FRMD4A: variants seen among roughly 807,000 people sequenced by gnomAD.
The protein encoded by FRMD4A is FERM domain containing 4A, also known as FERM domain-containing protein 4A.
A neutral mutation model predicts 129.1 loss-of-function variants in FRMD4A; 29 were observed. That is an observed-to-expected ratio of 0.22 (90% CI 0.17 to 0.31). The LOEUF (loss-of-function observed/expected upper bound fraction) is 0.31, where lower values mean the gene tolerates loss of function less well. Among genes scored for constraint, FRMD4A ranks in the 10% least tolerant of loss-of-function variants. The pLI is 1.00. For missense variants in FRMD4A, 1,272 were observed against 1,375.8 expected, an observed-to-expected ratio of 0.92 and a Z score of 1.19; for synonymous variants, 634 against 571.6, an observed-to-expected ratio of 1.11 and a Z score of -1.56.
chr10:14,317,507 A>C (rs1022428809), intron 2 of FRMD4A, among the ~76,000 whole-genome samples: 1 of 152,168 alleles, frequency 6.6e-6, no homozygotes, highest in African/African-American at 2.4e-5. Flanking sequence ...ACTGTGTTGC[A>C]ACTGTTTGTT....
At chr10:13,673,715 A>G (rs1361612259) in intron 16 of FRMD4A, among the ~76,000 whole-genome samples, 1 of 151,684 alleles carries the variant, frequency 6.6e-6, no homozygotes, top group African/African-American at 2.4e-5. Flanking sequence ...TAAAGACAGC[A>G]GCTTGCAGCA....
At chr10:14,249,189 A>G (rs935163548) in intron 2 of FRMD4A, among the ~76,000 whole-genome samples, 4 of 151,898 alleles carry the variant, frequency 2.6e-5, no homozygotes, top group Admixed American at 6.6e-5. Context: ...CATCTCTACT[A>G]AAAAATAGGA....
At chr10:14,053,535 A>T (rs1021030948) in intron 2 of FRMD4A, among the ~76,000 whole-genome samples, 11 of 152,074 alleles carry the variant, frequency 7.2e-5, no homozygotes, top group African/African-American at 2.7e-4. Flanking sequence ...CTTCCAATAC[A>T]CCTTGCCCAT....
intron 2 of FRMD4A, among the ~76,000 whole-genome samples, chr10:14,143,820 G>C (rs1353019012): frequency 1.3e-5 from 2 of 152,022 alleles, no homozygotes; most frequent in Non-Finnish European, 2.9e-5. Flanking sequence ...CGTTGACCAG[G>C]CTGGTCTTGA....
chr10:14,054,353 T>A (rs191562162), intron 2 of FRMD4A, among the ~76,000 whole-genome samples: 22 of 152,228 alleles, frequency 1.4e-4, no homozygotes, highest in Admixed American at 5.9e-4. Context: ...ACTTTCCCAG[T>A]GTGGATTCAG....
intron 2 of FRMD4A, among the ~76,000 whole-genome samples, chr10:13,929,665 C>T (rs769823804): frequency 2.6e-5 from 4 of 152,130 alleles, no homozygotes; most frequent in African/African-American, 7.2e-5. Flanking sequence ...TTTCTATTAG[C>T]GGTTCTAAGT....
chr10:13,740,445 T>C, intron 10 of FRMD4A, 67 bp downstream of exon 10: 1 of 995,760 alleles, frequency 1.0e-6, no homozygotes, highest in South Asian at 1.3e-5. Flanking sequence ...AACTGAACAA[T>C]CCTGACATAC....
chr10:13,677,123 AC>A (rs1208607087), intron 15 of FRMD4A, among the ~76,000 whole-genome samples: 1 of 151,998 alleles, frequency 6.6e-6, no homozygotes, highest in Non-Finnish European at 1.5e-5. Flanking sequence ...TGAGCAGAAA[AC>A]CCTGCATTCC....
At chr10:13,801,373 T>C (rs1365093780) in intron 4 of FRMD4A, among the ~76,000 whole-genome samples, 1 of 152,200 alleles carries the variant, frequency 6.6e-6, no homozygotes, top group African/African-American at 2.4e-5. Flanking sequence ...ATGAATTTCC[T>C]TCCTCCACTT....
intron 2 of FRMD4A, among the ~76,000 whole-genome samples, chr10:13,979,972 C>G (rs2095554989): frequency 6.6e-6 from 1 of 152,212 alleles, no homozygotes; most frequent in African/African-American, 2.4e-5. Context: ...CACCCCATTC[C>G]CTTTCTTATT....
chr10:13,880,271 T>A (rs1307862703), intron 2 of FRMD4A, among the ~76,000 whole-genome samples: 1 of 152,180 alleles, frequency 6.6e-6, no homozygotes, highest in African/African-American at 2.4e-5. Flanking sequence ...CTCTGCCTCG[T>A]CATCTCCATT....
chr10:13,778,961 T>C (rs10796122), intron 6 of FRMD4A, among the ~76,000 whole-genome samples: 104,666 of 151,898 alleles, frequency 0.69, 36,517 homozygotes, highest in East Asian at 0.86. Context: ...AGTATAATAA[T>C]AATAAAACAC....
chr10:14,225,100 A>C (rs576870160), intron 2 of FRMD4A, among the ~76,000 whole-genome samples: 3 of 152,246 alleles, frequency 2.0e-5, no homozygotes, highest in African/African-American at 7.2e-5. Flanking sequence ...TAGCAGGAAC[A>C]GTGAAAGAAT....
Position 13,666,330 on chromosome 10 carries a change from G to A in FRMD4A, c.1375-5C>T. 1.2e-6 allele frequency: 2 copies of A among 1,604,952 alleles called. No homozygotes were observed. The highest frequency in any genetic ancestry group is 1.7e-6 in the Non-Finnish European group (2 of 1,171,830). ...CAGGCGTTCCAGCTCAGCTTCCTGT[G>A]GGAGGGAAAGCACCGGTTTGGGTTA... On this transcript the variant is annotated splice_region_variant and splice_polypyrimidine_tract_variant and intron_variant, in intron 17 of 24. Coordinates refer to ENST00000357447, the MANE Select transcript of FRMD4A (RefSeq NM_018027.5).
chr10:13,977,311 C>T (rs777250688), intron 2 of FRMD4A, among the ~76,000 whole-genome samples: 1 of 145,076 alleles, frequency 6.9e-6, no homozygotes, highest in Non-Finnish European at 1.5e-5. Flanking sequence ...TCCTGCCTTC[C>T]AACACAAGAC....
chr10:13,866,478 A>G (rs190293756), intron 2 of FRMD4A, among the ~76,000 whole-genome samples: 2 of 152,258 alleles, frequency 1.3e-5, no homozygotes, highest in Admixed American at 6.5e-5. Flanking sequence ...CCTTCTCTCC[A>G]CTTCAGTTTC....
At chr10:13,685,345 G>A in intron 15 of FRMD4A, 1 of 984,414 alleles carries the variant, frequency 1.0e-6, no homozygotes, top group Non-Finnish European at 1.2e-6. Flanking sequence ...GAGTGCAAAT[G>A]TAATTTAACA....
chr10:14,008,912 AAAG>A (rs2095671696), intron 2 of FRMD4A, among the ~76,000 whole-genome samples: 1 of 152,224 alleles, frequency 6.6e-6, no homozygotes, highest in Admixed American at 6.5e-5. Context: ...AGTATGAGGG[AAAG>A]AAGAAGAAAC....
chr10:13,773,820 C>A (rs2092525903), intron 6 of FRMD4A, among the ~76,000 whole-genome samples: 2 of 152,216 alleles, frequency 1.3e-5, no homozygotes, highest in Non-Finnish European at 2.9e-5. Context: ...TCTCATGGGA[C>A]AAGTCCGCTG....
Sources: allele counts gnomAD v4.1 joint callset (sites outside exome capture counted in the v4.1 genomes callset), GRCh38; gene constraint gnomAD v4.1.1; transcripts MANE v1.5; gene names NCBI Gene and HGNC (gene_info 2026-07-23, HGNC 2026-07-21).